ZNF69: variants seen among roughly 807,000 people sequenced by gnomAD.
ZNF69 encodes the protein zinc finger protein 69.
In ZNF69, 47 loss-of-function variants were observed where a neutral mutation model predicts 50.9. The observed-to-expected ratio is 0.92, with a 90% CI of 0.73 to 1.18. ZNF69 has a LOEUF of 1.18. ZNF69 is among the 50% of genes most tolerant of loss of function. ZNF69 has a pLI of 0.00. For missense variants in ZNF69, 717 were observed against 675.1 expected (o/e 1.06, Z -0.69); for synonymous variants, 216 against 223.1 (o/e 0.97, Z 0.29).
the ZNF69 span, chr19:11,979,596 A>G: frequency 2.5e-6 from 4 of 1,605,364 alleles, no homozygotes; most frequent in Non-Finnish European, 3.4e-6. Flanking sequence ...TTTTGGTACC[A>G]TGAAAGGACT....
intron 1 of ZNF69, among the ~76,000 whole-genome samples, chr19:11,892,606 C>G (rs1035506186): frequency 4.0e-5 from 6 of 151,826 alleles, no homozygotes; most frequent in Admixed American, 3.9e-4. Context: ...TGTGAAAAAT[C>G]ATATTAAATA....
At chr19:11,952,394 G>A in the ZNF69 span, among the ~76,000 whole-genome samples, 1 of 152,206 alleles carries the variant, frequency 6.6e-6, no homozygotes, top group Non-Finnish European at 1.5e-5. Flanking sequence ...AGCTAATACA[G>A]TTGTGTAAAT....
the ZNF69 span, among the ~76,000 whole-genome samples, chr19:11,927,788 C>T: frequency 2.0e-5 from 3 of 152,178 alleles, no homozygotes; most frequent in Admixed American, 6.5e-5. Flanking sequence ...TTGCAGGCAT[C>T]TTCAGGCTGT....
the ZNF69 span, among the ~76,000 whole-genome samples, chr19:11,972,143 G>T: frequency 6.6e-6 from 1 of 151,922 alleles, no homozygotes; most frequent in Non-Finnish European, 1.5e-5. Flanking sequence ...AACATACCTG[G>T]TCATGGTGAT....
At chr19:11,925,221 G>T in the ZNF69 span, 1 of 1,612,964 alleles carries the variant, frequency 6.2e-7, no homozygotes, top group African/African-American at 1.3e-5. Flanking sequence ...ATGCCCTGCT[G>T]TAGTCACAGG....
the ZNF69 span, among the ~76,000 whole-genome samples, chr19:11,927,168 C>T: frequency 2.6e-5 from 4 of 152,230 alleles, no homozygotes; most frequent in South Asian, 6.2e-4. Flanking sequence ...GCCTGGGCAA[C>T]ATAGTGAAAC....
the ZNF69 span, among the ~76,000 whole-genome samples, chr19:11,971,704 T>C: frequency 6.6e-6 from 1 of 152,186 alleles, no homozygotes; most frequent in Admixed American, 6.5e-5. Context: ...CAGTGTAGAC[T>C]TTTTGCATAA....
the ZNF69 span, chr19:11,980,153 G>A: frequency 1.4e-6 from 1 of 697,066 alleles, no homozygotes; most frequent in Non-Finnish European, 2.4e-6. Context: ...ACCAAAGCAG[G>A]TGAATCACCT....
chr19:11,967,422 T>G, the ZNF69 span, among the ~76,000 whole-genome samples: 1 of 152,114 alleles, frequency 6.6e-6, no homozygotes, highest in Non-Finnish European at 1.5e-5. Context: ...TGTTTTTTTT[T>G]GAGACGGAGT....
At chr19:11,976,209 T>A in the ZNF69 span, among the ~76,000 whole-genome samples, 3 of 151,092 alleles carry the variant, frequency 2.0e-5, no homozygotes, top group African/African-American at 7.3e-5. Context: ...GCCTCAGGAC[T>A]GCTAATGTTA....
At chr19:11,948,646 A>C in the ZNF69 span, 770 of 1,611,426 alleles carry the variant, frequency 4.8e-4, 11 homozygotes, top group South Asian at 8.0e-3. Flanking sequence ...TTTCCATTCA[A>C]GCATTCGAAG....
At chr19:11,937,885 C>A in the ZNF69 span, among the ~76,000 whole-genome samples, 2 of 152,138 alleles carry the variant, frequency 1.3e-5, no homozygotes, top group Middle Eastern at 3.4e-3. Context: ...AGATATTAAC[C>A]CATTTATGCT....
chr19:11,941,023 CAT>C, the ZNF69 span, among the ~76,000 whole-genome samples: 1 of 152,026 alleles, frequency 6.6e-6, no homozygotes, highest in Admixed American at 6.6e-5. Context: ...CTGAGCTAGA[CAT>C]AAAGGTTCTC....
chr19:11,889,455 G>A (rs936373414), intron 1 of ZNF69, among the ~76,000 whole-genome samples: 1 of 152,094 alleles, frequency 6.6e-6, no homozygotes, highest in African/African-American at 2.4e-5. Flanking sequence ...TCACTTACCT[G>A]GGAAGGTACT....
chr19:11,940,830 T>TC, the ZNF69 span, among the ~76,000 whole-genome samples: 8 of 151,754 alleles, frequency 5.3e-5, no homozygotes, highest in Middle Eastern at 0.01. Context: ...GTTCTCCACG[T>TC]CCCCCCCAGA....
downstream of ZNF69, among the ~76,000 whole-genome samples, chr19:11,907,620 G>A (rs1038389733): frequency 2.5e-4 from 38 of 152,040 alleles, no homozygotes; most frequent in Non-Finnish European, 8.8e-5. Context: ...AGATTCAAAT[G>A]CTGAGAGATT....
At chr19:11,926,420 C>T in the ZNF69 span, among the ~76,000 whole-genome samples, 1 of 152,150 alleles carries the variant, frequency 6.6e-6, no homozygotes, top group Non-Finnish European at 1.5e-5. Context: ...GAGACGGAGT[C>T]TCCTGTCGCC....
chr19:11,921,409 T>C, the ZNF69 span, among the ~76,000 whole-genome samples: 1 of 152,026 alleles, frequency 6.6e-6, no homozygotes, highest in African/African-American at 2.4e-5. Context: ...GCTCAAGTGA[T>C]CCCCCTACCT....
the ZNF69 span, among the ~76,000 whole-genome samples, chr19:11,926,875 A>G: frequency 1.1e-4 from 16 of 152,162 alleles, no homozygotes; most frequent in Non-Finnish European, 2.2e-4. Context: ...GAAGGATAGC[A>G]GTGGCCCATT....
Sources: gnomAD v4.1 joint callset for allele counts (sites outside exome capture counted in the v4.1 genomes callset) on GRCh38, gnomAD v4.1.1 for gene constraint, MANE v1.5 for transcripts, NCBI Gene and HGNC (gene_info 2026-07-23, HGNC 2026-07-21) for gene names.